Variants in REC114 observed in about 807,000 individuals in gnomAD.
REC114 encodes REC114 meiotic recombination protein, also known as meiotic recombination protein REC114.
In REC114, 27 loss-of-function variants were observed where a neutral mutation model predicts 31.3. The observed-to-expected ratio is 0.86, with a 90% CI of 0.64 to 1.19. REC114 has a LOEUF of 1.19. Among genes scored for constraint, REC114 ranks in the 50% most tolerant of loss-of-function variants. REC114 has a pLI of 0.00. For missense variants in REC114, 344 were observed against 326.9 expected, an observed-to-expected ratio of 1.05 and a Z score of -0.40; for synonymous variants, 134 against 127.7, an observed-to-expected ratio of 1.05 and a Z score of -0.33.
intron 1 of REC114, among the ~76,000 whole-genome samples, chr15:73,471,337 A>G (rs1431905443): frequency 6.6e-6 from 1 of 152,224 alleles, no homozygotes; most frequent in Non-Finnish European, 1.5e-5. Context: ...GAATGATTCC[A>G]TGGTTTAGCC....
At chr15:73,558,431 A>G in intron 5 of REC114, among the ~76,000 whole-genome samples, 1 of 152,202 alleles carries the variant, frequency 6.6e-6, no homozygotes, top group East Asian at 1.9e-4. Context: ...CAGATCTTCC[A>G]AATTGTCAAG....
intron 2 of REC114, among the ~76,000 whole-genome samples, chr15:73,484,205 T>G (rs1169691246): frequency 6.8e-6 from 1 of 147,974 alleles, no homozygotes; most frequent in Non-Finnish European, 1.5e-5. Flanking sequence ...CTCCTGTTTC[T>G]TCTTTCAGCT....
chr15:73,546,692 A>G (rs1024095010), intron 3 of REC114, among the ~76,000 whole-genome samples: 1 of 152,032 alleles, frequency 6.6e-6, no homozygotes, highest in Non-Finnish European at 1.5e-5. Flanking sequence ...AGTCTCTTCA[A>G]TAAAGAGTTC....
intron 1 of REC114, among the ~76,000 whole-genome samples, chr15:73,448,347 G>T (rs1892797258): frequency 6.6e-6 from 1 of 152,168 alleles, no homozygotes; most frequent in African/African-American, 2.4e-5. Flanking sequence ...GCTTGAGTAG[G>T]TGGTTTTACC....
chr15:73,501,222 A>G (rs1893600366), intron 2 of REC114, among the ~76,000 whole-genome samples: 1 of 152,236 alleles, frequency 6.6e-6, no homozygotes, highest in African/African-American at 2.4e-5. Flanking sequence ...GTGCCATTCA[A>G]TCTCATTGGA....
chr15:73,494,191 C>T (rs1199477394), intron 2 of REC114, among the ~76,000 whole-genome samples: 2 of 152,244 alleles, frequency 1.3e-5, no homozygotes, highest in East Asian at 3.9e-4. Flanking sequence ...TAGTTCTCTA[C>T]TATTTTATAT....
intron 2 of REC114, among the ~76,000 whole-genome samples, chr15:73,539,282 A>ATTTTTTTTTTTTTTTTTTTT (rs753968018): frequency 2.8e-5 from 2 of 70,814 alleles, no homozygotes; most frequent in African/African-American, 6.6e-5. Context: ...TTCAGAACTG[A>ATTTTTTTTTTTTTTTTTTTT]TTTTTTTTTT....
intron 2 of REC114, among the ~76,000 whole-genome samples, chr15:73,478,964 G>A (rs1456381002): frequency 6.6e-6 from 1 of 152,048 alleles, no homozygotes; most frequent in Admixed American, 6.5e-5. Flanking sequence ...ATTCTTTAGG[G>A]TTTTCTACAT....
intron 1 of REC114, among the ~76,000 whole-genome samples, chr15:73,452,681 T>C (rs971043133): frequency 1.3e-5 from 2 of 152,092 alleles, no homozygotes; most frequent in Non-Finnish European, 2.9e-5. Context: ...GCCAAGACAA[T>C]CCTAAGCAAA....
chr15:73,517,105 G>A (rs1226655025), intron 2 of REC114, among the ~76,000 whole-genome samples: 3 of 152,162 alleles, frequency 2.0e-5, no homozygotes, highest in African/African-American at 7.2e-5. Flanking sequence ...GTCCTAGAAT[G>A]TCTTTATGAT....
At chr15:73,472,369 C>T (rs1433230740) in intron 1 of REC114, among the ~76,000 whole-genome samples, 2 of 152,050 alleles carry the variant, frequency 1.3e-5, no homozygotes, top group African/African-American at 4.8e-5. Flanking sequence ...TTATTGTATC[C>T]CCTTTGATAT....
At chr15:73,502,074 G>A (rs1010887044) in intron 2 of REC114, among the ~76,000 whole-genome samples, 1 of 151,708 alleles carries the variant, frequency 6.6e-6, no homozygotes, top group African/African-American at 2.4e-5. Flanking sequence ...GAGATAGCTT[G>A]AGCCCAGGAG....
In REC114 at chr15:73,508,893, C is replaced by T. The variant is rs1409176903; in HGVS notation, c.250-31592C>T. 2.0e-3 allele frequency among the ~76,000 whole-genome samples: 299 copies of T among 151,000 alleles called. 2 individuals are homozygous for T. Among genetic ancestry groups the T allele is most frequent in the African/African-American group, 5.9e-3 (243 of 41,030 alleles). On this transcript the variant is annotated intron_variant, in intron 2 of 5. Coordinates refer to ENST00000331090, the MANE Select transcript of REC114 (RefSeq NM_001042367.2). ...AAGTCTTTGCTATTGTGAATAATGC[C>T]GCAATAAACATACGTGTGCATGTGT...
At position 73,443,331 on chromosome 15, in the gene REC114, G is replaced by A. The variant is rs776934489; in HGVS notation, c.146G>A (p.Cys49Tyr). 6.3e-7 allele frequency: 1 copy of A among 1,578,338 alleles called. No homozygotes were observed. Among genetic ancestry groups the A allele is most frequent in the South Asian group, 1.2e-5 (1 of 85,758 alleles). Residue 49 changes from cysteine to tyrosine, a missense_variant, in exon 1 of 6, where the codon TGC becomes TAC. Physicochemically the swap from Cys to Tyr is radical, Grantham distance 194. Transcript: ENST00000331090. ...GPCLEAGTAP[C>Y]PTWKVFDSNE... ...TGCCTGGAAGCTGGGACAGCCCCCTGCCCCACATGGAAGGTGAGGCCCGAA... is the reference window on the plus strand; with the variant it reads ...TGCCTGGAAGCTGGGACAGCCCCCTACCCCACATGGAAGGTGAGGCCCGAA...
intron 2 of REC114, among the ~76,000 whole-genome samples, chr15:73,506,030 A>T (rs1893671086): frequency 6.6e-6 from 1 of 152,140 alleles, no homozygotes; most frequent in Non-Finnish European, 1.5e-5. Flanking sequence ...AGGAATGGAG[A>T]TGCCCCCTGC....
chr15:73,492,069 T>C (rs545775106), intron 2 of REC114, among the ~76,000 whole-genome samples: 64 of 152,302 alleles, frequency 4.2e-4, no homozygotes, highest in African/African-American at 1.4e-3. Context: ...ATTTTCTGAA[T>C]GACTAGTGAA....
At chr15:73,491,459 C>A (rs1305852904) in intron 2 of REC114, among the ~76,000 whole-genome samples, 3 of 152,036 alleles carry the variant, frequency 2.0e-5, no homozygotes, top group African/African-American at 4.8e-5. Context: ...ATGAGTAGAG[C>A]TTTTATGAAC....
chr15:73,472,974 A>G (rs1024605217), intron 1 of REC114, among the ~76,000 whole-genome samples: 8 of 152,132 alleles, frequency 5.3e-5, no homozygotes, highest in Admixed American at 3.9e-4. Context: ...TAGTATTGCA[A>G]GTAATGGGAA....
chr15:73,547,917 A>G (rs890811094), intron 3 of REC114, among the ~76,000 whole-genome samples: 2 of 152,214 alleles, frequency 1.3e-5, no homozygotes, highest in Non-Finnish European at 2.9e-5. Flanking sequence ...AAAGCAAAAT[A>G]GGATCTAATT....
Sources: allele counts gnomAD v4.1 joint callset (sites outside exome capture counted in the v4.1 genomes callset), GRCh38; gene constraint gnomAD v4.1.1; transcripts MANE v1.5; gene names NCBI Gene and HGNC (gene_info 2026-07-23, HGNC 2026-07-21).